Variants in RTN1 observed in about 807,000 individuals in gnomAD.
RTN1 encodes reticulon-1.
RTN1 carries 25 observed loss-of-function variants against 65.5 expected under a neutral mutation model. The ratio of observed to expected loss-of-function variants is 0.38; its 90% CI spans 0.28 to 0.53. RTN1 has a LOEUF of 0.53. Ranked by LOEUF, RTN1 falls within the 20% of genes least tolerant of loss-of-function variation. The pLI, the probability that RTN1 is intolerant of heterozygous loss-of-function variation, is 0.79. For missense variants in RTN1, 983 were observed against 1,025.4 expected (o/e 0.96, Z 0.57); for synonymous variants, 471 against 447.6 (o/e 1.05, Z -0.66).
chr14:59,869,749 CA>C (rs1482008509), intron 1 of RTN1, among the ~76,000 whole-genome samples: 1 of 152,186 alleles, frequency 6.6e-6, no homozygotes, highest in Non-Finnish European at 1.5e-5. Flanking sequence ...TGGGCGGGGG[CA>C]GCCACAGCAC....
intron 1 of RTN1, among the ~76,000 whole-genome samples, chr14:59,777,429 T>C (rs2139569366): frequency 6.6e-6 from 1 of 152,282 alleles, no homozygotes; most frequent in Middle Eastern, 3.4e-3. Context: ...GCTACACACA[T>C]ACCATTTTAG....
At chr14:59,648,977 G>A (rs914182764) in intron 3 of RTN1, among the ~76,000 whole-genome samples, 14 of 152,184 alleles carry the variant, frequency 9.2e-5, no homozygotes, top group African/African-American at 3.1e-4. Context: ...CATTCAGGTA[G>A]TGTGATGCCA....
At chr14:59,832,907 C>T (rs1347072054) in intron 1 of RTN1, among the ~76,000 whole-genome samples, 1 of 152,168 alleles carries the variant, frequency 6.6e-6, no homozygotes, top group Admixed American at 6.5e-5. Flanking sequence ...GTTGCAAACA[C>T]CCCTATCATC....
chr14:59,813,256 C>T (rs1031210218), intron 1 of RTN1, among the ~76,000 whole-genome samples: 1 of 152,150 alleles, frequency 6.6e-6, no homozygotes, highest in African/African-American at 2.4e-5. Flanking sequence ...CATATCTGCA[C>T]ACATTAAATT....
intron 3 of RTN1, among the ~76,000 whole-genome samples, chr14:59,674,892 C>T (rs1765137466): frequency 6.6e-6 from 1 of 152,144 alleles, no homozygotes; most frequent in African/African-American, 2.4e-5. Flanking sequence ...CAGGTACACT[C>T]CTCACCTAAA....
chr14:59,853,088 G>C (rs1167404369), intron 1 of RTN1, among the ~76,000 whole-genome samples: 2 of 152,158 alleles, frequency 1.3e-5, no homozygotes, highest in African/African-American at 4.8e-5. Context: ...TGATTTCTAA[G>C]AGTTAGAAAG....
At chr14:59,758,724 C>A (rs1325964621) in intron 1 of RTN1, among the ~76,000 whole-genome samples, 1 of 152,204 alleles carries the variant, frequency 6.6e-6, no homozygotes, top group Non-Finnish European at 1.5e-5. Flanking sequence ...AGAAACATTT[C>A]ATATACATCT....
chr14:59,815,659 C>A (rs1191067973), intron 1 of RTN1, among the ~76,000 whole-genome samples: 1 of 152,200 alleles, frequency 6.6e-6, no homozygotes, highest in Non-Finnish European at 1.5e-5. Flanking sequence ...TGTGCCCTCA[C>A]AGGAACACAA....
chr14:59,857,231 C>T (rs954154899), intron 1 of RTN1, among the ~76,000 whole-genome samples: 8 of 152,132 alleles, frequency 5.3e-5, no homozygotes, highest in Non-Finnish European at 1.0e-4. Context: ...GGAGTATTTG[C>T]TCTGTCCCTG....
intron 1 of RTN1, among the ~76,000 whole-genome samples, chr14:59,862,857 C>G (rs528962385): frequency 5.3e-5 from 8 of 152,138 alleles, no homozygotes; most frequent in Non-Finnish European, 1.0e-4. Flanking sequence ...ACCTTCTCCC[C>G]TCTTCTCAAA....
intron 1 of RTN1, among the ~76,000 whole-genome samples, chr14:59,841,395 T>A (rs1000601051): frequency 2.0e-5 from 3 of 152,116 alleles, no homozygotes; most frequent in Non-Finnish European, 4.4e-5. Flanking sequence ...ATTGTCAGAC[T>A]GGATAAAACT....
chr14:59,733,079 CTTT>C (rs5809048), intron 2 of RTN1, among the ~76,000 whole-genome samples: 7 of 145,834 alleles, frequency 4.8e-5, no homozygotes, highest in African/African-American at 1.5e-4. Context: ...GGTCAGACTG[CTTT>C]TTTTTTTTTT....
At chr14:59,805,936 G>A (rs1298403391) in intron 1 of RTN1, among the ~76,000 whole-genome samples, 1 of 152,036 alleles carries the variant, frequency 6.6e-6, no homozygotes, top group Non-Finnish European at 1.5e-5. Flanking sequence ...GATATGAATT[G>A]CAAACATAAA....
At chr14:59,758,173 C>T (rs1038595279) in intron 1 of RTN1, among the ~76,000 whole-genome samples, 5 of 152,052 alleles carry the variant, frequency 3.3e-5, no homozygotes, top group Admixed American at 1.3e-4. Context: ...CCATGGTTAC[C>T]TCCCTAGACA....
rs560627134 is a variant in RTN1, at chr14:59,688,582, T to C, written c.1765+38337A>G. On this transcript the variant is annotated intron_variant, in intron 3 of 8. Transcript: ENST00000267484. ...GAACTTCTCCCGGTAAGCAAGGCTA[T>C]ACCCAGCCACATTGGCCACAGACAG... is the stretch of plus-strand genomic sequence containing the variant. Among the ~76,000 whole-genome samples the C allele has an allele frequency of 1.2e-4, 18 of 152,260 alleles. No homozygotes were observed. In the East Asian group the frequency reaches 3.5e-3, roughly 29 times the overall value.
At chr14:59,832,121 C>G (rs531724718) in intron 1 of RTN1, among the ~76,000 whole-genome samples, 5 of 152,152 alleles carry the variant, frequency 3.3e-5, no homozygotes, top group Non-Finnish European at 2.9e-5. Context: ...GTTATACCAC[C>G]AAAATTAAAT....
intron 1 of RTN1, among the ~76,000 whole-genome samples, chr14:59,828,639 G>A (rs1887074662): frequency 6.6e-6 from 1 of 152,158 alleles, no homozygotes; most frequent in South Asian, 2.1e-4. Context: ...TTGTCTCAGG[G>A]AATAGCCCAC....
chr14:59,759,816 T>C (rs902198653), intron 1 of RTN1, among the ~76,000 whole-genome samples: 3 of 152,120 alleles, frequency 2.0e-5, no homozygotes, highest in African/African-American at 7.2e-5. Context: ...ATTTCTTCCT[T>C]ATCAGTTTGA....
chr14:59,822,033 G>T (rs541820343), intron 1 of RTN1, among the ~76,000 whole-genome samples: 5 of 152,200 alleles, frequency 3.3e-5, no homozygotes, highest in African/African-American at 1.2e-4. Context: ...CTCATAGAGT[G>T]AGTGAGGGAG....
Sources: allele counts gnomAD v4.1 joint callset (sites outside exome capture counted in the v4.1 genomes callset), GRCh38; gene constraint gnomAD v4.1.1; transcripts MANE v1.5; gene names NCBI Gene and HGNC (gene_info 2026-07-23, HGNC 2026-07-21).